Variants in NEK10 observed in about 807,000 individuals in gnomAD.
The protein encoded by NEK10 is serine/threonine-protein kinase Nek10.
Under a neutral mutation model 159.8 loss-of-function variants are expected in NEK10, and 122 were observed. The ratio of observed to expected loss-of-function variants is 0.76; its 90% CI spans 0.66 to 0.89. The LOEUF (loss-of-function observed/expected upper bound fraction) is 0.89, where lower values mean the gene tolerates loss of function less well. Among genes scored for constraint, NEK10 ranks in the 40% least tolerant of loss-of-function variants. The pLI, the probability that NEK10 is intolerant of heterozygous loss-of-function variation, is 0.00. For synonymous variants in NEK10, 466 were observed against 457.1 expected (o/e 1.02, Z -0.25); for missense variants, 1,342 against 1,323.1 (o/e 1.01, Z -0.22).
intron 30 of NEK10, among the ~76,000 whole-genome samples, chr3:27,153,933 C>G (rs970079318): frequency 6.6e-6 from 1 of 151,836 alleles, no homozygotes; most frequent in Non-Finnish European, 1.5e-5. Context: ...TCAAACCCAG[C>G]AGAAGAAAGG....
intron 10 of NEK10, among the ~76,000 whole-genome samples, chr3:27,308,273 T>C (rs1685387629): frequency 6.6e-6 from 1 of 152,178 alleles, no homozygotes; most frequent in Non-Finnish European, 1.5e-5. Context: ...AATGGCCCCA[T>C]GATTCAATGA....
chr3:27,116,016 T>A, intron 34 of NEK10, 21 bp from the exon 35 acceptor site: 1 of 1,612,602 alleles, frequency 6.2e-7, no homozygotes. Context: ...AAAAATCAGG[T>A]TAGTATTGAA....
At chr3:27,115,631 A>G (rs112129562) in intron 35 of NEK10, among the ~76,000 whole-genome samples, 2 of 152,174 alleles carry the variant, frequency 1.3e-5, no homozygotes, top group Admixed American at 6.5e-5. Flanking sequence ...CAAATATTTG[A>G]TGTTTAAAAA....
At chr3:27,298,071 G>T (rs1318866641) in intron 13 of NEK10, among the ~76,000 whole-genome samples, 1 of 152,066 alleles carries the variant, frequency 6.6e-6, no homozygotes, top group Non-Finnish European at 1.5e-5. Context: ...CATCAATGAG[G>T]GTGGAGCCAA....
chr3:27,305,306 C>T (rs2044148422), intron 11 of NEK10, among the ~76,000 whole-genome samples: 1 of 152,144 alleles, frequency 6.6e-6, no homozygotes. Flanking sequence ...TCATAGTTTG[C>T]AGACCACTGT....
intron 25 of NEK10, among the ~76,000 whole-genome samples, chr3:27,198,409 C>T (rs1027711478): frequency 1.3e-5 from 2 of 149,020 alleles, no homozygotes; most frequent in Admixed American, 1.3e-4. Context: ...GTAACCAAAA[C>T]AGCATGGTAT....
chr3:27,341,097 T>C (rs765927719), intron 5 of NEK10, among the ~76,000 whole-genome samples: 2 of 152,032 alleles, frequency 1.3e-5, no homozygotes, highest in Non-Finnish European at 2.9e-5. Flanking sequence ...AACCCAGGCA[T>C]AGAAAGACAA....
At chr3:27,319,197 T>C (rs908768663) in intron 6 of NEK10, among the ~76,000 whole-genome samples, 2 of 152,260 alleles carry the variant, frequency 1.3e-5, no homozygotes, top group Non-Finnish European at 2.9e-5. Context: ...AGCAATGTGC[T>C]ATGGCTTCAC....
At chr3:27,351,375 T>C (rs2047958232) in intron 3 of NEK10, among the ~76,000 whole-genome samples, 1 of 152,128 alleles carries the variant, frequency 6.6e-6, no homozygotes. Context: ...TCTCAGTATT[T>C]AGAAGCACAC....
chr3:27,245,249 T>G (rs1954943213), intron 23 of NEK10, among the ~76,000 whole-genome samples: 1 of 152,200 alleles, frequency 6.6e-6, no homozygotes, highest in Admixed American at 6.5e-5. Context: ...TGGGGGATTC[T>G]TCTTCTTTTT....
intron 23 of NEK10, among the ~76,000 whole-genome samples, chr3:27,243,399 A>C (rs1327563140): frequency 6.7e-6 from 1 of 148,298 alleles, no homozygotes; most frequent in East Asian, 1.9e-4. Flanking sequence ...ATGTTTATTT[A>C]ATTCTTTTGC....
chr3:27,364,110 C>A (rs1013218362), intron 1 of NEK10, among the ~76,000 whole-genome samples: 1 of 150,322 alleles, frequency 6.7e-6, no homozygotes. Context: ...GTGGAGAGTG[C>A]GGTCTCACTA....
intron 29 of NEK10, among the ~76,000 whole-genome samples, chr3:27,167,954 C>A (rs1478741318): frequency 1.3e-5 from 2 of 152,168 alleles, no homozygotes; most frequent in Admixed American, 1.3e-4. Context: ...AAAAGCATAT[C>A]CTAAGTTATT....
chr3:27,218,514 A>G (rs1237940592), intron 23 of NEK10, among the ~76,000 whole-genome samples: 2 of 151,250 alleles, frequency 1.3e-5, no homozygotes, highest in African/African-American at 2.4e-5. Flanking sequence ...CTGAGGCAGG[A>G]GAATCCCTTG....
intron 20 of NEK10, among the ~76,000 whole-genome samples, chr3:27,286,980 C>T (rs1472659976): frequency 6.6e-6 from 1 of 151,904 alleles, no homozygotes; most frequent in Non-Finnish European, 1.5e-5. Context: ...TCTTAAATAA[C>T]AATAGCACTG....
Position 27,106,639 on chromosome 3 carries a change from C to T in NEK10, c.*4633G>A, listed in dbSNP as rs74332123. On this transcript the variant is annotated 3_prime_UTR_variant, in exon 36 of 36. Coordinates refer to ENST00000691995, the MANE Select transcript of NEK10 (RefSeq NM_001394966.1). ...ACCTTCACAGTCTGCCTTAAAGGTG[C>T]CAAGGCCTTAAAGCAGTTGTTCCTC... 2.0e-5 allele frequency among the ~76,000 whole-genome samples: 3 copies of T among 152,256 alleles called. No homozygotes were observed. The East Asian group carries it at 5.8e-4, about 29-fold the overall frequency.
chr3:27,321,246 C>T (rs1169910154), intron 6 of NEK10, among the ~76,000 whole-genome samples: 1 of 152,034 alleles, frequency 6.6e-6, no homozygotes, highest in Non-Finnish European at 1.5e-5. Context: ...AAAGTATGGG[C>T]CATGAACTAG....
intron 23 of NEK10, among the ~76,000 whole-genome samples, chr3:27,218,236 T>C (rs1377513078): frequency 1.3e-5 from 2 of 152,236 alleles, no homozygotes; most frequent in Non-Finnish European, 2.9e-5. Flanking sequence ...ACAAATTGTT[T>C]ATTTCTGAAA....
chr3:27,215,828 C>T (rs368710964), intron 23 of NEK10: 26 of 717,536 alleles, frequency 3.6e-5, no homozygotes, highest in South Asian at 2.5e-4. Flanking sequence ...GGAGCCAGCA[C>T]GTTTTATGTG....
Sources: allele counts gnomAD v4.1 joint callset (sites outside exome capture counted in the v4.1 genomes callset), GRCh38; gene constraint gnomAD v4.1.1; transcripts MANE v1.5; gene names NCBI Gene and HGNC (gene_info 2026-07-23, HGNC 2026-07-21).